The following TARS2 variants were observed in gnomAD, a reference collection of about 807,000 sequenced individuals.
TARS2 encodes the protein threonine--tRNA ligase, mitochondrial.
TARS2 carries 61 observed loss-of-function variants against 94.4 expected under a neutral mutation model. The ratio of observed to expected loss-of-function variants is 0.65; its 90% CI spans 0.53 to 0.80. The LOEUF (loss-of-function observed/expected upper bound fraction) is 0.80, where lower values mean the gene tolerates loss of function less well. Among genes scored for constraint, TARS2 ranks in the 30% least tolerant of loss-of-function variants. The probability of loss-of-function intolerance (pLI) is 0.00; values close to 1 mark genes in which losing one functional copy is unlikely to be tolerated. For missense variants in TARS2, 704 were observed against 902.5 expected, an observed-to-expected ratio of 0.78 and a Z score of 2.82; for synonymous variants, 359 against 353.4, an observed-to-expected ratio of 1.02 and a Z score of -0.18.
At chr1:150,500,037 C>A (rs1240682954) in intron 13 of TARS2, among the ~76,000 whole-genome samples, 1 of 151,352 alleles carries the variant, frequency 6.6e-6, no homozygotes, top group Non-Finnish European at 1.5e-5. Flanking sequence ...TAGCCGGGTG[C>A]AGTAGCTTGT....
chr1:150,487,578 A>T, intron 1 of TARS2, 62 bp downstream of exon 1: 1 of 1,607,846 alleles, frequency 6.2e-7, no homozygotes, highest in African/African-American at 1.3e-5. Flanking sequence ...AAGCCCCCAA[A>T]TTTTTATGTT....
In TARS2 at chr1:150,497,671, A is replaced by G; in HGVS notation, c.1162A>G (p.Ser388Gly). Residue 388 changes from serine to glycine, a missense_variant, in exon 10 of 18, where the codon AGC becomes GGC. This residue lies in a region of TARS2 where 466 missense variants were observed against 609.5 expected (regional missense o/e 0.76). Transcript: ENST00000369064. ...VQPPGSDRPP[S>G]SQSDDSTRHI... ...GCCCCCAGGCTCTGACAGGCCTCCCAGCTCCCAGAGTGACGATTCTACCAG... is the reference window on the plus strand; with the variant it reads ...GCCCCCAGGCTCTGACAGGCCTCCCGGCTCCCAGAGTGACGATTCTACCAG... 6.2e-7 allele frequency: 1 copy of G among 1,614,192 alleles called. No individual in the cohort carries two copies. Among genetic ancestry groups the G allele is most frequent in the Non-Finnish European group, 8.5e-7 (1 of 1,180,036 alleles).
chr1:150,488,223 C>CG (rs1669234982), intron 2 of TARS2, 169 bp downstream of exon 2: 1 of 749,142 alleles, frequency 1.3e-6, no homozygotes, highest in Non-Finnish European at 2.1e-6. Flanking sequence ...TTTATACAGA[C>CG]GGGGTCTCTC....
At position 150,498,749 on chromosome 1, in the gene TARS2, C is replaced by T. The variant is rs1669781756; in HGVS notation, c.1401+85C>T. 3.7e-6 allele frequency: 6 copies of T among 1,605,760 alleles called. No homozygotes were observed. In the South Asian group the frequency reaches 5.5e-5, roughly 15 times the overall value. ...CCTGCAAACCCCTGATCTTTATTTG[C>T]CCCCTGTATGTACTATAATTCAGCT... On this transcript the variant is annotated intron_variant, in intron 11 of 17. Coordinates refer to ENST00000369064, the MANE Select transcript of TARS2 (RefSeq NM_025150.5).
Position 150,498,581 on chromosome 1 carries a change from G to A in TARS2, c.1318G>A (p.Glu440Lys), listed in dbSNP as rs781477512. ...TGACTTTGGGGCTCTACACCGGGCC[G>A]AAGCCTCTGGTGGTCTGGGGGGACT... ...LADFGALHRA[E>K]ASGGLGGLTR... Residue 440 changes from glutamate (E) to lysine (K), a missense_variant, in exon 11 of 18, where the codon GAA becomes AAA. By Grantham distance (56) the Glu-to-Lys change is moderately conservative. Coordinates refer to ENST00000369064, the MANE Select transcript of TARS2 (RefSeq NM_025150.5). The A allele has an allele frequency of 1.1e-5, 17 of 1,610,800 alleles. No homozygotes were observed. Among genetic ancestry groups the A allele is most frequent in the Admixed American group, 3.4e-5 (2 of 58,642 alleles).
chr1:150,501,351 T>A (rs1669911404), intron 13 of TARS2, among the ~76,000 whole-genome samples: 1 of 132,942 alleles, frequency 7.5e-6, no homozygotes, highest in Non-Finnish European at 1.6e-5. Flanking sequence ...TATGTCTCGC[T>A]CTGCTGCCCA....
At chr1:150,499,142 G>C in intron 12 of TARS2, 74 bp from the exon 13 acceptor site, 3 of 1,608,920 alleles carry the variant, frequency 1.9e-6, no homozygotes, top group Non-Finnish European at 2.6e-6. Context: ...TGGGTCATTT[G>C]TTGGGGACTG....
chr1:150,492,808 T>TAAAAAAA (rs1669458259), intron 7 of TARS2, among the ~76,000 whole-genome samples: 2 of 69,720 alleles, frequency 2.9e-5, no homozygotes, highest in Non-Finnish European at 5.8e-5. Flanking sequence ...AGAGTCCATC[T>TAAAAAAA]CAAAAAAAAA....
At chr1:150,488,579 A>G in intron 2 of TARS2, 1 of 180,470 alleles carries the variant, frequency 5.5e-6, no homozygotes, top group Admixed American at 5.4e-5. Flanking sequence ...ATATTTTGAT[A>G]TATGCATACA....
intron 13 of TARS2, among the ~76,000 whole-genome samples, chr1:150,499,632 C>T (rs587623815): frequency 6.6e-6 from 1 of 152,240 alleles, no homozygotes; most frequent in East Asian, 1.9e-4. Context: ...TCCCAAAGTG[C>T]TGGGATTACA....
intron 3 of TARS2, chr1:150,489,383 A>C (rs1241518050): frequency 5.1e-6 from 2 of 390,012 alleles, no homozygotes; most frequent in African/African-American, 2.1e-5. Flanking sequence ...CGTACATTAT[A>C]AGTCATCTGT....
chr1:150,505,746 C>T (rs781049953), intron 17 of TARS2, 41 bp downstream of exon 17: 2 of 1,571,744 alleles, frequency 1.3e-6, no homozygotes, highest in Non-Finnish European at 1.7e-6. Flanking sequence ...CACCTGCCGT[C>T]TGCATTCTTG....
intron 13 of TARS2, among the ~76,000 whole-genome samples, chr1:150,501,542 T>G (rs1177273071): frequency 6.6e-6 from 1 of 151,264 alleles, no homozygotes; most frequent in East Asian, 1.9e-4. Context: ...TTCACCGTGT[T>G]AGCCAGGATG....
chr1:150,489,063 A>G lies in TARS2; in HGVS notation c.363A>G (p.Thr121=). ...CAGATTCTGACCTCAGATTTCTGACATTCGATTCCCCAGAGGGGAAAGCAG... is the reference window on the plus strand; with the variant it reads ...CAGATTCTGACCTCAGATTTCTGACGTTCGATTCCCCAGAGGGGAAAGCAG... ...LETDSDLRFL[T]FDSPEGKAVF... is the part of the protein sequence containing the mutation. The change falls in exon 3 of 18, where the codon ACA becomes ACG. Residue 121 remains threonine, a synonymous_variant. Transcript: ENST00000369064. 4 of 1,614,200 alleles carry G rather than the reference A, an allele frequency of 2.5e-6. No homozygotes were observed. Among genetic ancestry groups the G allele is most frequent in the Non-Finnish European group, 3.4e-6 (4 of 1,180,026 alleles).
At chr1:150,498,392 A>G (rs1012660164) in intron 10 of TARS2, 110 bp from the exon 11 acceptor site, 2 of 1,323,454 alleles carry the variant, frequency 1.5e-6, no homozygotes, top group African/African-American at 3.0e-5. Flanking sequence ...GAGGCTGGAG[A>G]GGGTTATAGC....
chr1:150,487,602 G>T, intron 1 of TARS2, 86 bp downstream of exon 1: 1 of 1,554,110 alleles, frequency 6.4e-7, no homozygotes, highest in East Asian at 2.3e-5. Context: ...CCAGCCTCAC[G>T]CCACTCCTCC....
intron 17 of TARS2, 39 bp from the exon 18 acceptor site, chr1:150,506,877 G>A (rs1220844175): frequency 1.2e-6 from 2 of 1,611,980 alleles, no homozygotes; most frequent in Admixed American, 1.7e-5. Context: ...CCATGTGGGT[G>A]AATTTGCCCT....
chr1:150,501,701 C>A (rs990155596), intron 13 of TARS2, among the ~76,000 whole-genome samples: 1 of 151,550 alleles, frequency 6.6e-6, no homozygotes, highest in Non-Finnish European at 1.5e-5. Flanking sequence ...ACCTGTAGTC[C>A]CAGCTACTCA....
In TARS2 at chr1:150,507,291, C is replaced by T; in HGVS notation, c.*227C>T. ...AACTACAAAAAAAAATAAATTGGGC[C>T]AGGCGCAGTGGCTCATGCCTGTAAT... On this transcript the variant is annotated 3_prime_UTR_variant, in exon 18 of 18. Transcript: ENST00000369064. 1.9e-6 allele frequency: 1 copy of T among 523,410 alleles called. No individual in the cohort carries two copies. The highest frequency in any genetic ancestry group is 3.3e-6 in the Non-Finnish European group (1 of 307,204). The allele number at this position is 523,410 out of a possible 1,614,324, so 32.4% of individuals were successfully genotyped here. A position where few individuals can be genotyped will look rare whatever the true frequency, so the allele number is the denominator to read the frequency against.
Sources: allele counts gnomAD v4.1 joint callset (sites outside exome capture counted in the v4.1 genomes callset), GRCh38; gene constraint gnomAD v4.1.1; regional missense constraint gnomAD v4.1.1; transcripts MANE v1.5; gene names NCBI Gene and HGNC (gene_info 2026-07-23, HGNC 2026-07-21).